CSF1: variants seen among roughly 807,000 people sequenced by gnomAD.
CSF1 encodes the protein colony stimulating factor 1.
Under a neutral mutation model 48.9 loss-of-function variants are expected in CSF1, and 9 were observed. The ratio of observed to expected loss-of-function variants is 0.18; its 90% confidence interval spans 0.11 to 0.32. The LOEUF (loss-of-function observed/expected upper bound fraction) is 0.32, where lower values mean the gene tolerates loss of function less well. Among genes scored for constraint, CSF1 ranks in the 10% least tolerant of loss-of-function variants. The probability of loss-of-function intolerance (pLI) is 1.00; values close to 1 mark genes in which losing one functional copy is unlikely to be tolerated. For synonymous variants in CSF1, 305 were observed against 284.1 expected (o/e 1.07, Z -0.74); for missense variants, 672 against 697.9 (o/e 0.96, Z 0.42).
intron 3 of CSF1, among the ~76,000 whole-genome samples, chr1:109,916,710 C>T (rs571055354): frequency 1.3e-5 from 2 of 152,300 alleles, no homozygotes; most frequent in South Asian, 4.1e-4. Flanking sequence ...AAAGAATAGC[C>T]TCAGTATTTT....
chr1:109,917,445 T>C lies in CSF1; in HGVS notation c.378T>C (p.Asp126=). Residue 126 remains aspartate (D), a synonymous_variant, in exon 4 of 9, where the codon GAT becomes GAC. Coordinates refer to ENST00000329608, the MANE Select transcript of CSF1 (RefSeq NM_000757.6). Reference sequence around the variant, plus strand: ...GGCTGAAGAGCTGCTTCACCAAGGATTATGAAGAGCATGACAAGGTAGGAA... The same window carrying C: ...GGCTGAAGAGCTGCTTCACCAAGGACTATGAAGAGCATGACAAGGTAGGAA... ...SLRLKSCFTK[D]YEEHDKACVR... is the part of the protein sequence containing the mutation. The C allele has an allele frequency of 6.2e-7, 1 of 1,614,120 alleles. No homozygotes were observed. Among genetic ancestry groups the C allele is most frequent in the South Asian group, 1.1e-5 (1 of 91,076 alleles).
rs1647789465 is a variant in CSF1 at position 109,925,208 on chromosome 1, A to C, written c.*13+6A>C. On this transcript the variant is annotated splice_donor_region_variant and intron_variant, in intron 8 of 8. Transcript: ENST00000329608. The stretch of plus-strand genomic sequence containing the variant: ...AGTGTAGAGGGAATTCTAAGGTAAG[A>C]TTCTGACTTTGATCTCCACTCCTAA... 2 of 1,613,114 alleles carry C rather than the reference A, an allele frequency of 1.2e-6. No homozygotes were observed. Among genetic ancestry groups the C allele is most frequent in the Non-Finnish European group, 1.7e-6 (2 of 1,179,238 alleles).
intron 8 of CSF1, among the ~76,000 whole-genome samples, 176 bp downstream of exon 8, chr1:109,925,378 C>T (rs1199106863): frequency 6.6e-6 from 1 of 152,110 alleles, no homozygotes; most frequent in African/African-American, 2.4e-5. Flanking sequence ...TTTCCAGGTC[C>T]TCAGCTATCC....
rs746119458 is a variant in CSF1 at position 109,923,911 on chromosome 1, C to T, written c.1290C>T (p.Ser430=). ...AGCCACAGCTTTCCAGAAGCCACTC[C>T]TCGGGCAGCGTGCTGCCCCTTGGGG... is the stretch of plus-strand genomic sequence containing the variant. ...SAQPQLSRSH[S]SGSVLPLGEL... is the part of the protein sequence containing the mutation. Residue 430 remains serine (S), a synonymous_variant, in exon 6 of 9, where the codon TCC becomes TCT. Coordinates refer to ENST00000329608, the MANE Select transcript of CSF1 (RefSeq NM_000757.6). 13 of 1,614,000 alleles carry T rather than the reference C, an allele frequency of 8.1e-6. No individual in the cohort carries two copies. In the South Asian group the frequency reaches 1.2e-4, roughly 15 times the overall value.
rs1323823517 is a variant in CSF1 at position 109,911,007 on chromosome 1, G to C, written c.-17G>C. On this transcript the variant is annotated 5_prime_UTR_variant, in exon 1 of 9. Transcript: ENST00000329608. ...GCGAGGGCGGCCGACGCGCCCGGCC[G>C]GGACCCAGCTGCCCGTATGACCGCG... 3 of 1,168,854 alleles carry C rather than the reference G, an allele frequency of 2.6e-6. No individual in the cohort carries two copies. The highest frequency in any genetic ancestry group is 2.1e-6 in the Non-Finnish European group (2 of 949,440). The allele number at this position is 1,168,854 out of a possible 1,614,324, so 72.4% of individuals were successfully genotyped here.
rs769056430 is a variant in CSF1, at chr1:109,923,191, C to T, written c.570C>T (p.Asn190=). Residue 190 remains asparagine (N), a synonymous_variant, in exon 6 of 9, where the codon AAC becomes AAT. Coordinates refer to ENST00000329608, the MANE Select transcript of CSF1 (RefSeq NM_000757.6). Reference sequence around the variant, plus strand: ...ATGTGGTGACCAAGCCTGATTGCAACTGCCTGTACCCCAAAGCCATCCCTA... The same window carrying T: ...ATGTGGTGACCAAGCCTGATTGCAATTGCCTGTACCCCAAAGCCATCCCTA... ...SQDVVTKPDC[N]CLYPKAIPSS... is the part of the protein sequence containing the mutation. The T allele has an allele frequency of 8.5e-6, 13 of 1,522,072 alleles. No individual in the cohort carries two copies. The South Asian group carries it at 1.4e-4, about 17-fold the overall frequency. The allele number at this position is 1,522,072 out of a possible 1,614,324, so 94.3% of individuals were successfully genotyped here. A position where few individuals can be genotyped will look rare whatever the true frequency, so the allele number is the denominator to read the frequency against.
At chr1:109,921,089 A>T (rs1250674433) in intron 4 of CSF1, among the ~76,000 whole-genome samples, 1 of 151,950 alleles carries the variant, frequency 6.6e-6, no homozygotes, top group Non-Finnish European at 1.5e-5. Context: ...CCTTCTCCAC[A>T]CCACAGCTCA....
At chr1:109,921,153 CT>C (rs1397297889) in intron 4 of CSF1, among the ~76,000 whole-genome samples, 1 of 152,208 alleles carries the variant, frequency 6.6e-6, no homozygotes, top group Non-Finnish European at 1.5e-5. Flanking sequence ...CCTAACACCC[CT>C]TCAGATGTTT....
Position 109,917,429 on chromosome 1 carries a change from G to A in CSF1, c.362G>A (p.Ser121Asn). The A allele has an allele frequency of 6.2e-7, 1 of 1,614,196 alleles. No homozygotes were observed. The highest frequency in any genetic ancestry group is 1.1e-5 in the South Asian group (1 of 91,090). Residue 121 changes from serine (S) to asparagine (N), a missense_variant, in exon 4 of 9, where the codon AGC becomes AAC. Ser to Asn is a conservative substitution (Grantham distance 46). Coordinates refer to ENST00000329608, the MANE Select transcript of CSF1 (RefSeq NM_000757.6). ...CAGGAACTCTCTTTGAGGCTGAAGAGCTGCTTCACCAAGGATTATGAAGAG... is the reference window on the plus strand; with the variant it reads ...CAGGAACTCTCTTTGAGGCTGAAGAACTGCTTCACCAAGGATTATGAAGAG... The part of the protein sequence containing the change: ...QLQELSLRLK[S>N]CFTKDYEEHD...
At position 109,917,186 on chromosome 1, in the gene CSF1, TC is replaced by T. The variant is rs1647259304; in HGVS notation, c.226-103del. 3.3e-6 allele frequency: 4 copies of T among 1,216,282 alleles called. No individual in the cohort carries two copies. In the South Asian group the frequency reaches 5.8e-5, roughly 18 times the overall value. 75.3% of individuals were successfully genotyped at this position (1,216,282 alleles called of 1,614,324 possible). A position where few individuals can be genotyped will look rare whatever the true frequency, so the allele number is the denominator to read the frequency against. On this transcript the variant is annotated intron_variant, in intron 3 of 8. Transcript: ENST00000329608. ...CTAGTTGCTGGCATGGTGTGGTCCC[TC>T]CCCTGGGGGAAGGGGGAGAGCAAGC...
intron 1 of CSF1, among the ~76,000 whole-genome samples, chr1:109,912,125 G>C (rs781360575): frequency 6.6e-6 from 1 of 152,014 alleles, no homozygotes; most frequent in Non-Finnish European, 1.5e-5. Context: ...AGATAGAGTT[G>C]AGAGGGGAAG....
At chr1:109,919,436 C>G (rs1262884289) in intron 4 of CSF1, among the ~76,000 whole-genome samples, 2 of 152,112 alleles carry the variant, frequency 1.3e-5, no homozygotes, top group Non-Finnish European at 2.9e-5. Flanking sequence ...GCAATGTTGC[C>G]CAGGCTGGTC....
At chr1:109,927,669 G>C (rs1647901693) in intron 8 of CSF1, among the ~76,000 whole-genome samples, 1 of 152,310 alleles carries the variant, frequency 6.6e-6, no homozygotes, top group South Asian at 2.1e-4. Flanking sequence ...GATCCCACTT[G>C]GCCCGGCAGG....
At position 109,921,873 on chromosome 1, in the gene CSF1, A is replaced by G; in HGVS notation, c.423A>G (p.Thr141=). The G allele has an allele frequency of 1.2e-6, 2 of 1,603,212 alleles. No homozygotes were observed. Among genetic ancestry groups the G allele is most frequent in the Non-Finnish European group, 1.7e-6 (2 of 1,172,840 alleles). ...DKACVRTFYE[T]PLQLLEKVKN... is the part of the protein sequence containing the mutation. ...CCTGCGTCCGAACTTTCTATGAGACACCTCTCCAGTTGCTGGAGAAGGTCA... is the reference window on the plus strand; with the variant it reads ...CCTGCGTCCGAACTTTCTATGAGACGCCTCTCCAGTTGCTGGAGAAGGTCA... The change falls in exon 5 of 9, where the codon ACA becomes ACG. Residue 141 remains threonine, a synonymous_variant. Coordinates refer to ENST00000329608, the MANE Select transcript of CSF1 (RefSeq NM_000757.6).
Position 109,923,945 on chromosome 1 carries a change from G to A in CSF1, c.1324G>A (p.Gly442Ser). ...GSVLPLGELE[G>S]RRSTRDRRSP... ...CGTGCTGCCCCTTGGGGAGCTGGAG[G>A]GCAGGAGGAGCACCAGGGATCGGAG... The change falls in exon 6 of 9, where the codon GGC becomes AGC. Residue 442 changes from glycine to serine, a missense_variant. Transcript: ENST00000329608. The A allele has an allele frequency of 6.2e-7, 1 of 1,614,232 alleles. No homozygotes were observed. Among genetic ancestry groups the A allele is most frequent in the Non-Finnish European group, 8.5e-7 (1 of 1,180,018 alleles).
At position 109,911,029 on chromosome 1, in the gene CSF1, C is replaced by A; in HGVS notation, c.6C>A (p.Thr2=). 8.7e-7 allele frequency: 1 copy of A among 1,154,384 alleles called. No individual in the cohort carries two copies. Among genetic ancestry groups the A allele is most frequent in the Non-Finnish European group, 1.1e-6 (1 of 938,624 alleles). 71.5% of individuals were successfully genotyped at this position (1,154,384 alleles called of 1,614,324 possible). The change falls in exon 1 of 9, where the codon ACC becomes ACA. Residue 2 remains threonine (T), a synonymous_variant. Coordinates refer to ENST00000329608, the MANE Select transcript of CSF1 (RefSeq NM_000757.6). ...GCCGGGACCCAGCTGCCCGTATGACCGCGCCGGGCGCCGCCGGGCGCTGCC... is the reference window on the plus strand; with the variant it reads ...GCCGGGACCCAGCTGCCCGTATGACAGCGCCGGGCGCCGCCGGGCGCTGCC... M[T]APGAAGRCPP...
chr1:109,920,951 C>A (rs948006617), intron 4 of CSF1, among the ~76,000 whole-genome samples: 37 of 152,230 alleles, frequency 2.4e-4, no homozygotes, highest in African/African-American at 8.7e-4. Context: ...CTTCTCAGAG[C>A]TCCAGTGGGT....
Position 109,915,715 on chromosome 1 carries a change from C to T in CSF1, c.225+19C>T. ...ACAGTTGGTGAGTGATGGCTTTTTA[C>T]AAAATCCATGCACCAGCCTGCATGC... is the stretch of plus-strand genomic sequence containing the variant. On this transcript the variant is annotated intron_variant, in intron 3 of 8. Coordinates refer to ENST00000329608, the MANE Select transcript of CSF1 (RefSeq NM_000757.6). 6.2e-7 allele frequency: 1 copy of T among 1,604,314 alleles called. No homozygotes were observed. Among genetic ancestry groups the T allele is most frequent in the Non-Finnish European group, 8.5e-7 (1 of 1,171,166 alleles).
chr1:109,916,528 T>A (rs1240450652), intron 3 of CSF1, among the ~76,000 whole-genome samples: 2 of 152,172 alleles, frequency 1.3e-5, no homozygotes, highest in Admixed American at 6.5e-5. Flanking sequence ...CACAAGCTCT[T>A]TCCAATGACT....
Sources: allele counts gnomAD v4.1 joint callset (sites outside exome capture counted in the v4.1 genomes callset), GRCh38; gene constraint gnomAD v4.1.1; transcripts MANE v1.5; gene names NCBI Gene and HGNC (gene_info 2026-07-23, HGNC 2026-07-21).